Variants in GALNT17 observed in about 807,000 individuals in gnomAD.
The protein encoded by GALNT17 is polypeptide N-acetylgalactosaminyltransferase 17.
In GALNT17, 29 loss-of-function variants were observed where a neutral mutation model predicts 63.7. The observed-to-expected ratio is 0.46, with a 90% confidence interval of 0.34 to 0.62. The LOEUF is 0.62. Ranked by LOEUF, GALNT17 falls within the 20% of genes least tolerant of loss-of-function variation. The pLI, the probability that GALNT17 is intolerant of heterozygous loss-of-function variation, is 0.01. For synonymous variants in GALNT17, 305 were observed against 318.3 expected (o/e 0.96, Z 0.45); for missense variants, 603 against 799.6 (o/e 0.75, Z 2.97).
At chr7:71,266,094 T>G (rs947101557) in intron 1 of GALNT17, among the ~76,000 whole-genome samples, 3 of 152,140 alleles carry the variant, frequency 2.0e-5, no homozygotes, top group Non-Finnish European at 4.4e-5. Flanking sequence ...CTGCATCACT[T>G]TAGTCTCTGC....
chr7:71,633,151 T>C (rs186171155), intron 6 of GALNT17, among the ~76,000 whole-genome samples: 65 of 151,026 alleles, frequency 4.3e-4, no homozygotes, highest in African/African-American at 1.5e-3. Flanking sequence ...ATTATTTAGT[T>C]CTAGGGGGTG....
Position 71,710,943 on chromosome 7 carries a change from G to C in GALNT17, c.1668+15G>C. 1 of 1,612,068 alleles carries C rather than the reference G, an allele frequency of 6.2e-7. No homozygotes were observed. On this transcript the variant is annotated intron_variant, in intron 10 of 10. Coordinates refer to ENST00000333538, the MANE Select transcript of GALNT17 (RefSeq NM_022479.3). ...ACTTCATCCAGGTGAGTGCTGTATG[G>C]ACAGAGCCAGCACCCAGAGTAGCTG...
chr7:71,412,342 A>G (rs1176644372), intron 3 of GALNT17, among the ~76,000 whole-genome samples: 1 of 150,992 alleles, frequency 6.6e-6, no homozygotes, highest in Non-Finnish European at 1.5e-5. Flanking sequence ...CATTTCCTGG[A>G]ACTGTCACCT....
In GALNT17 at chr7:71,360,356, CAT is replaced by C. The variant is rs755594145; in HGVS notation, c.422+24624_422+24625del. Among the ~76,000 whole-genome samples, 1,012 of 152,236 alleles carry C rather than the reference CAT, an allele frequency of 6.6e-3. 44 individuals carry two copies. The highest frequency in any genetic ancestry group is 2.5e-3 in the Non-Finnish European group (171 of 68,006). The stretch of plus-strand genomic sequence containing the variant: ...TCATAACTACTAAATAAAAGGAAAA[CAT>C]GTGATTTCCAGTTCAGATGAGTCAC... On this transcript the variant is annotated intron_variant, in intron 2 of 10. Transcript: ENST00000333538.
intron 5 of GALNT17, among the ~76,000 whole-genome samples, chr7:71,483,780 C>T (rs910704215): frequency 4.6e-5 from 7 of 152,140 alleles, no homozygotes; most frequent in African/African-American, 1.7e-4. Flanking sequence ...GACACTCTGA[C>T]AATAATCACT....
intron 5 of GALNT17, among the ~76,000 whole-genome samples, chr7:71,458,371 G>T (rs1787391548): frequency 6.6e-6 from 1 of 152,208 alleles, no homozygotes; most frequent in African/African-American, 2.4e-5. Context: ...AAACAGTCAG[G>T]TGCAGGAGCG....
rs539565751 is a variant in GALNT17, at chr7:71,143,705, C to T, written c.238+10665C>T. On this transcript the variant is annotated intron_variant, in intron 1 of 10. Coordinates refer to ENST00000333538, the MANE Select transcript of GALNT17 (RefSeq NM_022479.3). ...GTTGACTTAATGTGATGTCATGTTG[C>T]GGCTTATTGCATCTGGGGATGATTG... 3.1e-4 allele frequency among the ~76,000 whole-genome samples: 47 copies of T among 151,888 alleles called. No homozygotes were observed. The South Asian group carries it at 7.5e-3, about 24-fold the overall frequency.
chr7:71,702,691 A>T (rs1225784546), intron 9 of GALNT17, among the ~76,000 whole-genome samples: 2 of 152,176 alleles, frequency 1.3e-5, no homozygotes, highest in East Asian at 3.9e-4. Flanking sequence ...AGGAGGGGGA[A>T]CTGGGGAACC....
At chr7:71,322,331 G>A (rs1160637466) in intron 1 of GALNT17, among the ~76,000 whole-genome samples, 2 of 152,230 alleles carry the variant, frequency 1.3e-5, no homozygotes, top group South Asian at 4.1e-4. Flanking sequence ...GCAATTCCAG[G>A]AAGTATAAAG....
rs1294825603 is a variant in GALNT17, at chr7:71,462,138, T to G, written c.962+41033T>G. 5.3e-5 allele frequency among the ~76,000 whole-genome samples: 8 copies of G among 152,164 alleles called. No individual in the cohort carries two copies. The East Asian group carries it at 1.5e-3, about 29-fold the overall frequency. On this transcript the variant is annotated intron_variant, in intron 5 of 10. Coordinates refer to ENST00000333538, the MANE Select transcript of GALNT17 (RefSeq NM_022479.3). ...CTACTCAGCCACCCAGAGTCCTCCC[T>G]GGAGCCCTTGCCTGGTGGGGCACTG...
intron 6 of GALNT17, among the ~76,000 whole-genome samples, chr7:71,612,564 G>A (rs577745440): frequency 6.6e-6 from 1 of 152,320 alleles, no homozygotes; most frequent in African/African-American, 2.4e-5. Flanking sequence ...GAGATGTGCT[G>A]TTGTATTAAT....
intron 5 of GALNT17, among the ~76,000 whole-genome samples, chr7:71,466,336 C>A (rs1787534813): frequency 6.6e-6 from 1 of 151,656 alleles, no homozygotes; most frequent in South Asian, 2.1e-4. Flanking sequence ...ATACAAATGA[C>A]CAGCATTGGT....
At chr7:71,320,189 A>G (rs1177560148) in intron 1 of GALNT17, among the ~76,000 whole-genome samples, 1 of 152,138 alleles carries the variant, frequency 6.6e-6, no homozygotes, top group Non-Finnish European at 1.5e-5. Flanking sequence ...GTGCATGAGA[A>G]GAGGGCAGTC....
intron 1 of GALNT17, among the ~76,000 whole-genome samples, chr7:71,143,555 C>T (rs1418521801): frequency 6.6e-6 from 1 of 151,884 alleles, no homozygotes; most frequent in Non-Finnish European, 1.5e-5. Flanking sequence ...TGTGGGAGCT[C>T]CTTGGTGAAG....
At chr7:71,518,121 C>T (rs896049842) in intron 5 of GALNT17, among the ~76,000 whole-genome samples, 2 of 152,178 alleles carry the variant, frequency 1.3e-5, no homozygotes, top group African/African-American at 4.8e-5. Flanking sequence ...CTTGCCAGGA[C>T]ATGGAAGCAG....
intron 6 of GALNT17, among the ~76,000 whole-genome samples, chr7:71,597,515 G>GAAA (rs2116928641): frequency 1.9e-5 from 1 of 52,588 alleles, no homozygotes; most frequent in African/African-American, 5.0e-5. Context: ...CCTTAAAAGA[G>GAAA]TAATAAATAA....
chr7:71,398,446 T>G (rs1409458549), intron 3 of GALNT17, among the ~76,000 whole-genome samples: 2 of 152,212 alleles, frequency 1.3e-5, no homozygotes, highest in African/African-American at 4.8e-5. Flanking sequence ...AAAGCTCCTT[T>G]TATAACATAT....
chr7:71,332,595 G>A (rs1791825854), intron 1 of GALNT17, among the ~76,000 whole-genome samples: 1 of 152,082 alleles, frequency 6.6e-6, no homozygotes, highest in African/African-American at 2.4e-5. Context: ...TTCTCATGTT[G>A]GATAGCCTTT....
chr7:71,183,874 G>C (rs1224221060), intron 1 of GALNT17, among the ~76,000 whole-genome samples: 2 of 151,700 alleles, frequency 1.3e-5, no homozygotes, highest in African/African-American at 4.8e-5. Flanking sequence ...TGGGCAACAA[G>C]AGCAAGACTC....
Sources: allele counts gnomAD v4.1 joint callset (sites outside exome capture counted in the v4.1 genomes callset), GRCh38; gene constraint gnomAD v4.1.1; transcripts MANE v1.5; gene names NCBI Gene and HGNC (gene_info 2026-07-23, HGNC 2026-07-21).